PRKG1: variants seen among roughly 807,000 people sequenced by gnomAD.
The protein encoded by PRKG1 is cGMP-dependent protein kinase 1.
In PRKG1, 35 loss-of-function variants were observed where a neutral mutation model predicts 88.1. That is an observed-to-expected ratio of 0.40 (90% CI 0.30 to 0.53). PRKG1 has a LOEUF of 0.53. Among genes scored for constraint, PRKG1 ranks in the 20% least tolerant of loss-of-function variants. PRKG1 has a pLI of 0.59. For synonymous variants in PRKG1, 303 were observed against 292.5 expected (o/e 1.04, Z -0.37); for missense variants, 540 against 839.8 (o/e 0.64, Z 4.41).
rs971930250 is a variant in PRKG1, at chr10:51,021,844, C to T, written c.266+30200C>T. Among the ~76,000 whole-genome samples the T allele has an allele frequency of 2.6e-5, 4 of 152,112 alleles. No individual in the cohort carries two copies. In the East Asian group the frequency reaches 5.8e-4, roughly 22 times the overall value. ...TACAGGCGCCTGCCACCACACCTGG[C>T]TAATTTTTGTATTTTTAGTAGAGAT... On this transcript the variant is annotated intron_variant, in intron 1 of 17. Transcript: ENST00000401604.
At chr10:51,887,518 C>G (rs1564693469) in intron 4 of PRKG1, among the ~76,000 whole-genome samples, 1 of 152,130 alleles carries the variant, frequency 6.6e-6, no homozygotes, top group Non-Finnish European at 1.5e-5. Flanking sequence ...GCTACACCAC[C>G]CTATATTCCC....
chr10:51,163,831 C>G (rs190411863), intron 2 of PRKG1, among the ~76,000 whole-genome samples: 2 of 152,286 alleles, frequency 1.3e-5, no homozygotes, highest in African/African-American at 4.8e-5. Context: ...AAGGCCGCAG[C>G]GAGGCTGGGG....
At chr10:52,182,750 T>A (rs992568277) in intron 9 of PRKG1, among the ~76,000 whole-genome samples, 2 of 149,442 alleles carry the variant, frequency 1.3e-5, no homozygotes, top group Admixed American at 1.3e-4. Flanking sequence ...GTTGTAGATA[T>A]GCGGCATTAT....
intron 3 of PRKG1, chr10:51,697,477 T>C: frequency 1.8e-6 from 1 of 556,850 alleles, no homozygotes. Flanking sequence ...AGAGTTATTT[T>C]AAAGTAACTT....
At chr10:51,186,016 T>A (rs1159273024) in intron 2 of PRKG1, among the ~76,000 whole-genome samples, 1 of 151,948 alleles carries the variant, frequency 6.6e-6, no homozygotes, top group Non-Finnish European at 1.5e-5. Flanking sequence ...TCTAGTGTCA[T>A]TTTTTATTTC....
chr10:51,661,633 A>G (rs1840302075), intron 3 of PRKG1, among the ~76,000 whole-genome samples: 1 of 152,206 alleles, frequency 6.6e-6, no homozygotes, highest in Non-Finnish European at 1.5e-5. Flanking sequence ...TGTTGGTGGG[A>G]GTCTAAACTA....
chr10:51,956,565 G>T (rs1162126253), intron 5 of PRKG1, among the ~76,000 whole-genome samples: 2 of 151,782 alleles, frequency 1.3e-5, no homozygotes, highest in African/African-American at 4.8e-5. Flanking sequence ...ATGAACTGAG[G>T]ATATTTTCAT....
intron 4 of PRKG1, among the ~76,000 whole-genome samples, chr10:51,863,293 C>G (rs970927014): frequency 6.6e-6 from 1 of 152,128 alleles, no homozygotes; most frequent in African/African-American, 2.4e-5. Context: ...AAGAATGGAC[C>G]ACAGTGAGAT....
chr10:51,343,761 T>G (rs1012071509), intron 2 of PRKG1, among the ~76,000 whole-genome samples: 3 of 152,098 alleles, frequency 2.0e-5, no homozygotes, highest in Non-Finnish European at 4.4e-5. Context: ...ATAAATAAAT[T>G]GTAAAGCAGG....
intron 3 of PRKG1, among the ~76,000 whole-genome samples, chr10:51,750,172 G>A (rs1329891165): frequency 6.6e-6 from 1 of 151,966 alleles, no homozygotes; most frequent in South Asian, 2.1e-4. Context: ...CTGACCTCAG[G>A]TGATCCACCC....
chr10:51,481,812 C>T (rs1840368710), intron 3 of PRKG1, among the ~76,000 whole-genome samples: 1 of 151,592 alleles, frequency 6.6e-6, no homozygotes. Flanking sequence ...AGTTAATGCA[C>T]TTCATTATTT....
chr10:52,063,338 C>T (rs2133270938), intron 7 of PRKG1, among the ~76,000 whole-genome samples: 1 of 152,340 alleles, frequency 6.6e-6, no homozygotes, highest in South Asian at 2.1e-4. Flanking sequence ...ACACCACAAG[C>T]AGCTTCCCCG....
chr10:51,604,874 C>T (rs574718197), intron 3 of PRKG1, among the ~76,000 whole-genome samples: 52 of 152,328 alleles, frequency 3.4e-4, no homozygotes, highest in Non-Finnish European at 1.2e-4. Flanking sequence ...CTGTGTTAGT[C>T]AGCTCAATAG....
chr10:51,390,619 G>A (rs1361656475), intron 2 of PRKG1, among the ~76,000 whole-genome samples: 4 of 152,018 alleles, frequency 2.6e-5, no homozygotes, highest in Admixed American at 2.0e-4. Context: ...TATTACATTA[G>A]TATACCTAAA....
At position 51,439,940 on chromosome 10, in the gene PRKG1, T is replaced by C. The variant is rs74970992; in HGVS notation, c.479-27783T>C. Among the ~76,000 whole-genome samples, 691 of 152,078 alleles carry C rather than the reference T, an allele frequency of 4.5e-3. 6 individuals carry two copies. Among genetic ancestry groups the C allele is most frequent in the African/African-American group, 0.016 (654 of 41,540 alleles). ...CTTTGTTCCTTTAAAAATGAAATAC[T>C]GCAAAGTAGATTTGAGTTCCACAAC... is the stretch of plus-strand genomic sequence containing the variant. On this transcript the variant is annotated intron_variant, in intron 2 of 17. Coordinates refer to ENST00000373980, the MANE Select transcript of PRKG1 (RefSeq NM_006258.4).
chr10:51,617,022 A>G (rs1409782478), intron 3 of PRKG1, among the ~76,000 whole-genome samples: 4 of 152,096 alleles, frequency 2.6e-5, no homozygotes, highest in Non-Finnish European at 4.4e-5. Context: ...CTTAGTTCTC[A>G]GGGAGTCTGT....
chr10:52,013,796 G>A (rs969837892), intron 5 of PRKG1, among the ~76,000 whole-genome samples: 55 of 152,324 alleles, frequency 3.6e-4, no homozygotes, highest in African/African-American at 1.3e-3. Flanking sequence ...AGCTATGGCA[G>A]CAGTATGAAG....
At chr10:51,669,417 A>G (rs537294309) in intron 3 of PRKG1, among the ~76,000 whole-genome samples, 1 of 152,330 alleles carries the variant, frequency 6.6e-6, no homozygotes, top group African/African-American at 2.4e-5. Context: ...TAAAGGCTGT[A>G]TCTCCAATAC....
chr10:52,164,603 A>G (rs1053679774), intron 9 of PRKG1, among the ~76,000 whole-genome samples: 1 of 152,082 alleles, frequency 6.6e-6, no homozygotes, highest in Non-Finnish European at 1.5e-5. Flanking sequence ...AAACAGTAAC[A>G]TTTGATTAAA....
Sources: gnomAD v4.1 joint callset for allele counts (sites outside exome capture counted in the v4.1 genomes callset) on GRCh38, gnomAD v4.1.1 for gene constraint, MANE v1.5 for transcripts, NCBI Gene and HGNC (gene_info 2026-07-23, HGNC 2026-07-21) for gene names.